Variants in RAB8B observed in about 807,000 individuals in gnomAD.
RAB8B encodes the protein RAB8B, member RAS oncogene family, also known as ras-related protein Rab-8B.
A neutral mutation model predicts 32.0 loss-of-function variants in RAB8B; 11 were observed. That is an observed-to-expected ratio of 0.34 (90% CI 0.22 to 0.57). RAB8B has a LOEUF of 0.57. Among genes scored for constraint, RAB8B ranks in the 20% least tolerant of loss-of-function variants. The pLI, the probability that RAB8B is intolerant of heterozygous loss-of-function variation, is 0.86. For missense variants in RAB8B, 190 were observed against 258.5 expected, an observed-to-expected ratio of 0.73 and a Z score of 1.82; for synonymous variants, 103 against 89.6, an observed-to-expected ratio of 1.15 and a Z score of -0.85.
intron 5 of RAB8B, 42 bp downstream of exon 5, chr15:63,256,636 A>G: frequency 7.4e-7 from 1 of 1,357,174 alleles, no homozygotes; most frequent in East Asian, 2.4e-5. Context: ...ATCTACTCAC[A>G]TTAAGCATTT....
chr15:63,219,033 T>TTA (rs2037819396), intron 1 of RAB8B, among the ~76,000 whole-genome samples: 3 of 131,862 alleles, frequency 2.3e-5, no homozygotes, highest in African/African-American at 5.9e-5. Context: ...TTTTTTTTTT[T>TTA]AGAAGGAAAG....
chr15:63,229,579 C>A (rs900751859), intron 1 of RAB8B, among the ~76,000 whole-genome samples: 4 of 151,998 alleles, frequency 2.6e-5, no homozygotes, highest in Admixed American at 2.6e-4. Flanking sequence ...GTCAGGAGTT[C>A]AAGCCATTCT....
intron 2 of RAB8B, among the ~76,000 whole-genome samples, chr15:63,247,823 G>A (rs930102071): frequency 1.3e-5 from 2 of 152,170 alleles, no homozygotes; most frequent in Admixed American, 6.5e-5. Context: ...AGGTCCACTC[G>A]AGGGCATATG....
intron 1 of RAB8B, among the ~76,000 whole-genome samples, chr15:63,240,498 T>G (rs2038023340): frequency 6.6e-6 from 1 of 152,164 alleles, no homozygotes; most frequent in Admixed American, 6.5e-5. Context: ...GTTCAGTCAT[T>G]AAACTGAACT....
intron 1 of RAB8B, among the ~76,000 whole-genome samples, chr15:63,193,671 G>A (rs1217335673): frequency 1.3e-5 from 2 of 151,814 alleles, no homozygotes; most frequent in East Asian, 1.9e-4. Flanking sequence ...ATTAGCCGGG[G>A]GTGGCAGCGG....
rs747688593 is a variant in RAB8B, at chr15:63,259,416, T to C, written c.415-211T>C. On this transcript the variant is annotated intron_variant, in intron 5 of 7. Transcript: ENST00000321437. This position sits in a 1 kb window ranked among gnomAD's most constrained non-coding sequence, Gnocchi z 4.4. ...CCACCATGCCCGGCCTTAAATTATG[T>C]TTGAAATGGAAGTTGTGCCATCCTT... 2.6e-5 allele frequency among the ~76,000 whole-genome samples: 4 copies of C among 152,142 alleles called. No individual in the cohort carries two copies. The highest frequency in any genetic ancestry group is 1.3e-4 in the Admixed American group (2 of 15,278).
chr15:63,213,089 A>G (rs919269042), intron 1 of RAB8B, among the ~76,000 whole-genome samples: 2 of 152,094 alleles, frequency 1.3e-5, no homozygotes, highest in African/African-American at 4.8e-5. Flanking sequence ...TTTGGAATCA[A>G]AAAGGAACTC....
intron 1 of RAB8B, among the ~76,000 whole-genome samples, chr15:63,205,531 C>T (rs1033327894): frequency 1.3e-5 from 2 of 151,754 alleles, no homozygotes; most frequent in East Asian, 1.9e-4. Context: ...CACACACACA[C>T]GGGATGATAT....
At chr15:63,237,945 G>A (rs190158634) in intron 1 of RAB8B, among the ~76,000 whole-genome samples, 10 of 151,568 alleles carry the variant, frequency 6.6e-5, no homozygotes, top group Admixed American at 5.3e-4. Context: ...TTCATTCTTC[G>A]GCATACAGAT....
intron 1 of RAB8B, among the ~76,000 whole-genome samples, chr15:63,207,315 C>T (rs2037706772): frequency 6.6e-6 from 1 of 152,112 alleles, no homozygotes; most frequent in Non-Finnish European, 1.5e-5. Flanking sequence ...TCGAAAGCTC[C>T]CACGTGGTGA....
At chr15:63,244,217 G>A (rs2038053939) in intron 1 of RAB8B, among the ~76,000 whole-genome samples, 1 of 152,154 alleles carries the variant, frequency 6.6e-6, no homozygotes, top group Non-Finnish European at 1.5e-5. Flanking sequence ...AATCTGTGGG[G>A]AACATTTATT....
chr15:63,227,771 A>AG (rs1303002232), intron 1 of RAB8B, among the ~76,000 whole-genome samples: 1 of 152,182 alleles, frequency 6.6e-6, no homozygotes, highest in East Asian at 1.9e-4. Context: ...TAAAAATATA[A>AG]CAAAACAAAT....
intron 1 of RAB8B, among the ~76,000 whole-genome samples, chr15:63,243,139 C>T (rs777893052): frequency 1.9e-4 from 29 of 152,158 alleles, no homozygotes; most frequent in Non-Finnish European, 4.1e-4. Flanking sequence ...GGTTTGAGCA[C>T]CTATGAGAAT....
intron 1 of RAB8B, among the ~76,000 whole-genome samples, chr15:63,211,059 G>A (rs2037743123): frequency 1.3e-5 from 2 of 152,170 alleles, no homozygotes; most frequent in African/African-American, 4.8e-5. Flanking sequence ...AATATCAAAA[G>A]ATAAACAGCA....
chr15:63,233,362 T>A (rs956985141), intron 1 of RAB8B, among the ~76,000 whole-genome samples: 1 of 152,102 alleles, frequency 6.6e-6, no homozygotes, highest in Non-Finnish European at 1.5e-5. Flanking sequence ...CTGTTCCCAG[T>A]CTCAATCTAA....
intron 5 of RAB8B, 128 bp downstream of exon 5, chr15:63,256,722 C>A (rs1167503380): frequency 6.0e-6 from 4 of 670,664 alleles, no homozygotes; most frequent in African/African-American, 3.8e-5. Flanking sequence ...ATATCAACAA[C>A]AAAGAGATGT....
At chr15:63,218,001 G>A (rs942672856) in intron 1 of RAB8B, among the ~76,000 whole-genome samples, 12 of 152,128 alleles carry the variant, frequency 7.9e-5, no homozygotes, top group African/African-American at 2.9e-4. Flanking sequence ...CTGAAATAAT[G>A]TCTTTCTTAT....
intron 1 of RAB8B, among the ~76,000 whole-genome samples, chr15:63,204,005 G>T (rs766949813): frequency 1.3e-5 from 2 of 152,100 alleles, no homozygotes; most frequent in Non-Finnish European, 2.9e-5. Context: ...TTGTCGGGGG[G>T]TGGTTGAATG....
chr15:63,220,253 C>T (rs1323008033), intron 1 of RAB8B, among the ~76,000 whole-genome samples: 1 of 152,190 alleles, frequency 6.6e-6, no homozygotes, highest in African/African-American at 2.4e-5. Flanking sequence ...TATTTCATTT[C>T]TCTAGAAGAG....
Sources: allele counts gnomAD v4.1 joint callset (sites outside exome capture counted in the v4.1 genomes callset), GRCh38; gene constraint gnomAD v4.1.1; non-coding constraint Gnocchi (gnomAD v3.1); transcripts MANE v1.5; gene names NCBI Gene and HGNC (gene_info 2026-07-23, HGNC 2026-07-21).